The following TSHR variants were observed in gnomAD, a reference collection of about 807,000 sequenced individuals.
The protein encoded by TSHR is thyroid stimulating hormone receptor, also known as thyrotropin receptor.
Under a neutral mutation model 64.1 loss-of-function variants are expected in TSHR, and 51 were observed. The observed-to-expected ratio is 0.80, with a 90% CI of 0.64 to 1.01. The LOEUF is 1.01. TSHR is among the 50% of genes least tolerant of loss of function. The pLI, the probability that TSHR is intolerant of heterozygous loss-of-function variation, is 0.00. For missense variants in TSHR, 877 were observed against 942.8 expected, an observed-to-expected ratio of 0.93 and a Z score of 0.91; for synonymous variants, 361 against 361.9, an observed-to-expected ratio of 1.00 and a Z score of 0.03.
chr14:81,141,556 T>C (rs1192999099), intron 9 of TSHR, among the ~76,000 whole-genome samples: 2 of 152,198 alleles, frequency 1.3e-5, no homozygotes, highest in East Asian at 1.9e-4. Context: ...CTGTTGTAAA[T>C]AGAACAGACA....
At position 81,046,243 on chromosome 14, in the gene TSHR, T is replaced by A. The variant is rs952724464; in HGVS notation, c.171-15905T>A. 3.9e-5 allele frequency among the ~76,000 whole-genome samples: 6 copies of A among 152,106 alleles called. No homozygotes were observed. In the East Asian group the frequency reaches 1.2e-3, roughly 29 times the overall value. On this transcript the variant is annotated intron_variant, in intron 1 of 9. Coordinates refer to ENST00000298171, the MANE Select transcript of TSHR (RefSeq NM_000369.5). ...AGCAGCAGACACAGAATGACAGAGA[T>A]GATGGAATTAACAAGAAATGACATT...
At chr14:81,039,828 T>G (rs1052823122) in intron 1 of TSHR, among the ~76,000 whole-genome samples, 1 of 151,904 alleles carries the variant, frequency 6.6e-6, no homozygotes, top group African/African-American at 2.4e-5. Flanking sequence ...AGGACACAAG[T>G]AAATGGATAA....
intron 1 of TSHR, among the ~76,000 whole-genome samples, chr14:81,009,630 A>G (rs1480755018): frequency 6.6e-6 from 1 of 152,080 alleles, no homozygotes; most frequent in African/African-American, 2.4e-5. Flanking sequence ...AAACTGTATC[A>G]TATTTTCTGT....
At position 81,018,227 on chromosome 14, in the gene TSHR, A is replaced by G. The variant is rs559370694; in HGVS notation, c.171-43921A>G. Reference sequence around the variant, plus strand: ...TTAGTTCATGAAAGCCGCCCAATAAATGTTCTTTAAATTAATAAATGACTT... The same window carrying G: ...TTAGTTCATGAAAGCCGCCCAATAAGTGTTCTTTAAATTAATAAATGACTT... On this transcript the variant is annotated intron_variant, in intron 1 of 9. Coordinates refer to ENST00000298171, the MANE Select transcript of TSHR (RefSeq NM_000369.5). Among the ~76,000 whole-genome samples, 7 of 152,282 alleles carry G rather than the reference A, an allele frequency of 4.6e-5. 1 individual carries two copies. The South Asian group carries it at 1.0e-3, about 23-fold the overall frequency.
rs189258250 is a variant in TSHR, at chr14:81,087,388, C to T, written c.318-566C>T. The T allele has an allele frequency of 6.3e-5, 10 of 159,018 alleles. No individual in the cohort carries two copies. In the East Asian group the frequency reaches 1.5e-3, roughly 23 times the overall value. 9.9% of individuals were successfully genotyped at this position (159,018 alleles called of 1,614,324 possible). On this transcript the variant is annotated intron_variant, in intron 3 of 9. Coordinates refer to ENST00000298171, the MANE Select transcript of TSHR (RefSeq NM_000369.5). The stretch of plus-strand genomic sequence containing the variant: ...CCTAAGTATGTAAGTTACTGACACA[C>T]GATATTGCACTATACATGCAGAAGT...
At chr14:80,983,554 G>A in intron 1 of TSHR, 2 of 1,236,174 alleles carry the variant, frequency 1.6e-6, no homozygotes. Flanking sequence ...ATCAGAAAGG[G>A]CTCAATTGTA....
chr14:80,966,388 T>C (rs1481028610), intron 1 of TSHR, among the ~76,000 whole-genome samples: 1 of 152,126 alleles, frequency 6.6e-6, no homozygotes, highest in Non-Finnish European at 1.5e-5. Flanking sequence ...GTGGACATGA[T>C]CCAAAGATTT....
intron 3 of TSHR, among the ~76,000 whole-genome samples, chr14:81,073,145 GA>G (rs1200373426): frequency 2.7e-5 from 4 of 146,894 alleles, no homozygotes; most frequent in Non-Finnish European, 6.0e-5. Context: ...AAGATTAAAG[GA>G]ATTACTATAT....
At chr14:81,124,710 ATT>A (rs138131425) in intron 8 of TSHR, among the ~76,000 whole-genome samples, 1 of 150,954 alleles carries the variant, frequency 6.6e-6, no homozygotes, top group East Asian at 1.9e-4. Context: ...TTTAATTGTC[ATT>A]TTTTTTTATT....
intron 1 of TSHR, among the ~76,000 whole-genome samples, chr14:81,035,236 A>G (rs909065008): frequency 7.9e-5 from 12 of 152,314 alleles, no homozygotes; most frequent in Admixed American, 6.5e-4. Context: ...GAAATAATAC[A>G]CAGTTTATCT....
At chr14:81,090,099 A>C (rs886789791) in intron 4 of TSHR, among the ~76,000 whole-genome samples, 1 of 152,010 alleles carries the variant, frequency 6.6e-6, no homozygotes, top group African/African-American at 2.4e-5. Context: ...AAATGTTAAA[A>C]CAACTAAATC....
In TSHR at chr14:81,139,795, T is replaced by C; in HGVS notation, c.809T>C (p.Leu270Pro). ...AAACTTCCACTTTCCTTGAGTTTCC[T>C]TCACCTCACACGGGCTGACCTTTCT... ...LKKLPLSLSFLHLTRADLSYP... is the reference protein window; with the variant it reads ...LKKLPLSLSFPHLTRADLSYP... Residue 270 changes from leucine (L) to proline (P), a missense_variant, in exon 9 of 10, where the codon CTT (leucine) becomes CCT (proline). By Grantham distance (98) the Leu-to-Pro change is moderately conservative. Transcript: ENST00000298171. 6.2e-7 allele frequency: 1 copy of C among 1,614,208 alleles called. No homozygotes were observed. Among genetic ancestry groups the C allele is most frequent in the Non-Finnish European group, 8.5e-7 (1 of 1,180,046 alleles).
intron 6 of TSHR, among the ~76,000 whole-genome samples, chr14:81,093,137 A>T (rs1888888913): frequency 6.6e-6 from 1 of 152,198 alleles, no homozygotes; most frequent in African/African-American, 2.4e-5. Context: ...TGCCACTAAG[A>T]ACTTTATAAA....
At chr14:81,012,020 A>G (rs2139778328) in intron 1 of TSHR, 1 of 152,164 alleles carries the variant, frequency 6.6e-6, no homozygotes, top group African/African-American at 2.4e-5. Context: ...TACATGTGCC[A>G]TGCTGCTGCG....
intron 8 of TSHR, among the ~76,000 whole-genome samples, chr14:81,133,931 C>T (rs145771630): frequency 6.6e-6 from 1 of 152,056 alleles, no homozygotes; most frequent in East Asian, 1.9e-4. Flanking sequence ...AAAATAATAG[C>T]TAATATTTAT....
intron 3 of TSHR, among the ~76,000 whole-genome samples, chr14:81,085,152 G>C (rs1165134014): frequency 2.0e-5 from 3 of 151,992 alleles, no homozygotes; most frequent in East Asian, 3.9e-4. Flanking sequence ...AGTAAAAACA[G>C]GGTTTCACCA....
chr14:81,114,642 A>G (rs945976316), intron 8 of TSHR, among the ~76,000 whole-genome samples: 2 of 152,208 alleles, frequency 1.3e-5, no homozygotes, highest in Non-Finnish European at 2.9e-5. Flanking sequence ...TAGGTAAACA[A>G]AGCAGCAGGG....
intron 1 of TSHR, chr14:81,032,480 G>A (rs1805404893): frequency 5.8e-6 from 2 of 342,258 alleles, no homozygotes; most frequent in South Asian, 6.4e-5. Flanking sequence ...AAAGCAACAA[G>A]GGAGTTGTCA....
intron 1 of TSHR, among the ~76,000 whole-genome samples, chr14:80,970,328 A>G (rs922410458): frequency 6.6e-6 from 1 of 152,196 alleles, no homozygotes; most frequent in Non-Finnish European, 1.5e-5. Context: ...ACCTTATTTT[A>G]TGTAGTAGAA....
Sources: allele counts gnomAD v4.1 joint callset (sites outside exome capture counted in the v4.1 genomes callset), GRCh38; gene constraint gnomAD v4.1.1; transcripts MANE v1.5; gene names NCBI Gene and HGNC (gene_info 2026-07-23, HGNC 2026-07-21).